THADA: variants seen among roughly 807,000 people sequenced by gnomAD.
THADA encodes the protein THADA armadillo repeat containing.
A neutral mutation model predicts 219.8 loss-of-function variants in THADA; 213 were observed. The ratio of observed to expected loss-of-function variants is 0.97; its 90% CI spans 0.87 to 1.09. THADA has a LOEUF of 1.09. THADA is among the 50% of genes least tolerant of loss of function. The pLI is 0.00. For missense variants in THADA, 2,956 were observed against 2,311.3 expected (o/e 1.28, Z -5.72); for synonymous variants, 1,018 against 828.9 (o/e 1.23, Z -3.92).
chr2:43,547,598 C>A (rs956851479), intron 20 of THADA, among the ~76,000 whole-genome samples: 1 of 152,190 alleles, frequency 6.6e-6, no homozygotes, highest in Non-Finnish European at 1.5e-5. Context: ...CCTCCCTTCT[C>A]GCTTCATTTC....
chr2:43,291,863 G>A (rs1674769851), intron 33 of THADA, 95 bp from the exon 34 acceptor site: 3 of 1,124,370 alleles, frequency 2.7e-6, no homozygotes, highest in Middle Eastern at 4.2e-4. Context: ...CCATGCAGAG[G>A]TGAATACTGA....
At chr2:43,335,797 T>TAAAAAA (rs143938377) in intron 30 of THADA, among the ~76,000 whole-genome samples, 1 of 123,548 alleles carries the variant, frequency 8.1e-6, no homozygotes, top group Non-Finnish European at 1.7e-5. Flanking sequence ...GTCTCTACTT[T>TAAAAAA]AAAAAAAAAA....
At chr2:43,398,971 CAAGTTATT>C (rs1484132831) in intron 28 of THADA, among the ~76,000 whole-genome samples, 1 of 152,122 alleles carries the variant, frequency 6.6e-6, no homozygotes, top group African/African-American at 2.4e-5. Flanking sequence ...AAGTCCTGGA[CAAGTTATT>C]TTGAGATTCT....
intron 36 of THADA, 22 bp from the exon 37 acceptor site, chr2:43,232,904 G>A (rs754868595): frequency 6.3e-7 from 1 of 1,598,622 alleles, no homozygotes; most frequent in East Asian, 2.3e-5. Context: ...GGAGAAAGGT[G>A]AGCAATGAAT....
rs77528886 is a variant in THADA, at chr2:43,435,801, G to A, written c.3837-5499C>T. On this transcript the variant is annotated intron_variant, in intron 26 of 37. Transcript: ENST00000405975. ...GCCACCAAAAAAAAAAAAAAAAAAA[G>A]AAAGAAAAGAAAAAAGAAATGCATG... Among the ~76,000 whole-genome samples the A allele has an allele frequency of 3.9e-3, 471 of 120,652 alleles. 5 individuals carry two copies. Among genetic ancestry groups the A allele is most frequent in the Middle Eastern group, 0.014 (3 of 222 alleles). 79.2% of individuals were successfully genotyped at this position (120,652 alleles called of 152,430 possible). A position where few individuals can be genotyped will look rare whatever the true frequency, so the allele number is the denominator to read the frequency against.
intron 25 of THADA, among the ~76,000 whole-genome samples, chr2:43,489,514 G>C (rs1170294530): frequency 5.3e-5 from 8 of 151,930 alleles, no homozygotes; most frequent in Non-Finnish European, 1.0e-4. Context: ...TATAGTTTTA[G>C]CTTTTACATT....
intron 29 of THADA, among the ~76,000 whole-genome samples, chr2:43,375,494 T>C (rs1671272706): frequency 6.6e-6 from 1 of 152,242 alleles, no homozygotes; most frequent in African/African-American, 2.4e-5. Flanking sequence ...GTCTGATTTA[T>C]ACTTCATCAT....
intron 8 of THADA, among the ~76,000 whole-genome samples, chr2:43,579,527 T>C (rs767200033): frequency 3.9e-5 from 6 of 152,160 alleles, no homozygotes; most frequent in Non-Finnish European, 7.3e-5. Flanking sequence ...GTACTAAATA[T>C]CCACTCTGCC....
chr2:43,588,411 T>C (rs1422008924), intron 4 of THADA, among the ~76,000 whole-genome samples: 1 of 152,030 alleles, frequency 6.6e-6, no homozygotes, highest in Non-Finnish European at 1.5e-5. Flanking sequence ...ATTAGCTGAA[T>C]TGATAACCAA....
At chr2:43,362,535 A>G (rs1431978070) in intron 29 of THADA, among the ~76,000 whole-genome samples, 1 of 152,208 alleles carries the variant, frequency 6.6e-6, no homozygotes, top group Non-Finnish European at 1.5e-5. Flanking sequence ...GTGCACCTGT[A>G]TAGAGCACTC....
intron 26 of THADA, among the ~76,000 whole-genome samples, chr2:43,446,595 A>G (rs558628268): frequency 6.6e-6 from 1 of 152,216 alleles, no homozygotes; most frequent in African/African-American, 2.4e-5. Context: ...AGATGACAAC[A>G]CATGGCGAAG....
chr2:43,469,761 T>C (rs2104957348), intron 26 of THADA, among the ~76,000 whole-genome samples: 1 of 152,276 alleles, frequency 6.6e-6, no homozygotes, highest in African/African-American at 2.4e-5. Flanking sequence ...AATGTAATGC[T>C]CAATGATAAG....
chr2:43,590,535 G>C (rs1701440787), intron 4 of THADA, among the ~76,000 whole-genome samples: 1 of 151,516 alleles, frequency 6.6e-6, no homozygotes, highest in African/African-American at 2.4e-5. Context: ...AATTAGCCGG[G>C]TGTGGTGGCT....
At chr2:43,241,882 C>T (rs1272261272) in intron 36 of THADA, among the ~76,000 whole-genome samples, 1 of 152,170 alleles carries the variant, frequency 6.6e-6, no homozygotes, top group East Asian at 1.9e-4. Flanking sequence ...AGGCCCTCCC[C>T]TTACTTTTAC....
At chr2:43,350,461 T>C (rs1668126084) in intron 29 of THADA, among the ~76,000 whole-genome samples, 1 of 152,208 alleles carries the variant, frequency 6.6e-6, no homozygotes, top group African/African-American at 2.4e-5. Context: ...CAGTGTGGGC[T>C]AGGATTTGTT....
intron 20 of THADA, among the ~76,000 whole-genome samples, chr2:43,548,121 A>G (rs1032672463): frequency 6.6e-6 from 1 of 152,140 alleles, no homozygotes; most frequent in African/African-American, 2.4e-5. Flanking sequence ...GGAGTTTGCT[A>G]GAGGTCCACT....
chr2:43,309,783 T>C (rs953125188), intron 31 of THADA, among the ~76,000 whole-genome samples: 2 of 152,150 alleles, frequency 1.3e-5, no homozygotes, highest in Non-Finnish European at 2.9e-5. Flanking sequence ...CAACACTGTA[T>C]TGGAGGTTCT....
At chr2:43,364,592 T>C (rs949219531) in intron 29 of THADA, among the ~76,000 whole-genome samples, 13 of 152,230 alleles carry the variant, frequency 8.5e-5, no homozygotes, top group African/African-American at 2.9e-4. Flanking sequence ...CATTCTATTA[T>C]ATATACTGAC....
At chr2:43,481,730 G>A (rs1408789527) in intron 26 of THADA, among the ~76,000 whole-genome samples, 2 of 152,144 alleles carry the variant, frequency 1.3e-5, no homozygotes, top group Admixed American at 1.3e-4. Flanking sequence ...CCCCTATTAT[G>A]TTAATACTGA....
Sources: allele counts gnomAD v4.1 joint callset (sites outside exome capture counted in the v4.1 genomes callset), GRCh38; gene constraint gnomAD v4.1.1; transcripts MANE v1.5; gene names NCBI Gene and HGNC (gene_info 2026-07-23, HGNC 2026-07-21).